DIAPH2: variants seen among roughly 807,000 people sequenced by gnomAD.
DIAPH2 encodes the protein diaphanous related formin 2.
DIAPH2 carries 35 observed loss-of-function variants against 92.7 expected under a neutral mutation model. The observed-to-expected ratio is 0.38, with a 90% CI of 0.29 to 0.50. The LOEUF (loss-of-function observed/expected upper bound fraction) is 0.50. Among genes scored for constraint, DIAPH2 ranks in the 20% least tolerant of loss-of-function variants. DIAPH2 has a pLI of 0.94. For missense variants in DIAPH2, 701 were observed against 819.5 expected, an observed-to-expected ratio of 0.86 and a Z score of 1.77; for synonymous variants, 301 against 280.4, an observed-to-expected ratio of 1.07 and a Z score of -0.73.
intron 21 of DIAPH2, among the ~76,000 whole-genome samples, chrX:97,137,503 AT>A (rs2067181544): frequency 9.2e-6 from 1 of 108,755 alleles, no homozygotes; most frequent in Admixed American, 1.0e-4. Flanking sequence ...CTATGTTGAA[AT>A]GTTTACAGTG....
At chrX:97,093,592 T>C (rs1332693827) in intron 19 of DIAPH2, among the ~76,000 whole-genome samples, 1 of 112,344 alleles carries the variant, frequency 8.9e-6, no homozygotes, top group Non-Finnish European at 1.9e-5. Flanking sequence ...TTTTTATGTT[T>C]AATATGGTTT....
chrX:97,510,475 A>T (rs1290765865), intron 26 of DIAPH2, among the ~76,000 whole-genome samples: 1 of 110,228 alleles, frequency 9.1e-6, no homozygotes, highest in East Asian at 2.9e-4. Flanking sequence ...TTCACTCTGA[A>T]GGTGGTTTCT....
chrX:97,425,499 G>A (rs910680601), intron 25 of DIAPH2, among the ~76,000 whole-genome samples: 2 of 111,346 alleles, frequency 1.8e-5, no homozygotes, highest in Admixed American at 9.6e-5. Flanking sequence ...TCATGGTAGG[G>A]TGCAGTGGCT....
intron 4 of DIAPH2, among the ~76,000 whole-genome samples, chrX:96,863,533 G>A (rs1424479338): frequency 9.1e-6 from 1 of 110,038 alleles, no homozygotes; most frequent in East Asian, 2.9e-4. Flanking sequence ...TCTTACTTAG[G>A]TATAATTATC....
At chrX:96,893,070 T>G (rs902054472) in intron 5 of DIAPH2, among the ~76,000 whole-genome samples, 9 of 112,113 alleles carry the variant, frequency 8.0e-5, no homozygotes, top group African/African-American at 2.9e-4. Flanking sequence ...TCGAGTTATA[T>G]GAACTAATTT....
chrX:97,333,717 A>G (rs1311765694), intron 23 of DIAPH2, among the ~76,000 whole-genome samples: 1 of 110,364 alleles, frequency 9.1e-6, no homozygotes, highest in Non-Finnish European at 1.9e-5. Context: ...GGCATGCACC[A>G]CCATGCCTGA....
chrX:97,436,075 G>GA (rs1439115943), intron 26 of DIAPH2, among the ~76,000 whole-genome samples: 3 of 111,347 alleles, frequency 2.7e-5, no homozygotes, highest in African/African-American at 9.8e-5. Flanking sequence ...AAAGTGCTGG[G>GA]ATTACAGGCG....
intron 5 of DIAPH2, among the ~76,000 whole-genome samples, chrX:96,896,370 A>G (rs192089476): frequency 8.9e-6 from 1 of 112,056 alleles, no homozygotes; most frequent in African/African-American, 3.2e-5. Context: ...TGTTGATAAT[A>G]TAGTTTAATG....
At chrX:96,928,156 T>C (rs1466901492) in intron 9 of DIAPH2, among the ~76,000 whole-genome samples, 1 of 111,064 alleles carries the variant, frequency 9.0e-6, no homozygotes, top group East Asian at 2.8e-4. Flanking sequence ...CTCCTTGCTG[T>C]GTGGCCTTAT....
intron 26 of DIAPH2, among the ~76,000 whole-genome samples, chrX:97,592,121 G>A (rs1457809809): frequency 3.6e-5 from 4 of 112,067 alleles, no homozygotes; most frequent in Non-Finnish European, 7.5e-5. Context: ...AGTAAGTATT[G>A]CATATTTTCT....
At chrX:96,780,720 G>T (rs1428249472) in intron 4 of DIAPH2, among the ~76,000 whole-genome samples, 3 of 110,343 alleles carry the variant, frequency 2.7e-5, no homozygotes, top group Admixed American at 9.7e-5. Context: ...CTGACCTCGT[G>T]ATCCGCCCGC....
intron 26 of DIAPH2, among the ~76,000 whole-genome samples, chrX:97,438,653 A>G (rs2070220342): frequency 9.1e-6 from 1 of 110,488 alleles, no homozygotes; most frequent in Non-Finnish European, 1.9e-5. Context: ...CTGGGATTAC[A>G]GGCATAAGCC....
At chrX:96,712,706 G>A (rs766187883) in intron 1 of DIAPH2, among the ~76,000 whole-genome samples, 1 of 111,188 alleles carries the variant, frequency 9.0e-6, no homozygotes, top group South Asian at 3.8e-4. Flanking sequence ...AACCTTCTTT[G>A]ATCTTTTTTA....
chrX:97,275,743 C>T (rs2068443906), intron 23 of DIAPH2, among the ~76,000 whole-genome samples: 1 of 109,196 alleles, frequency 9.2e-6, no homozygotes, highest in South Asian at 4.0e-4. Context: ...AGACGCTCCT[C>T]ACTTCCTAGA....
intron 22 of DIAPH2, among the ~76,000 whole-genome samples, chrX:97,231,573 A>C (rs1461066562): frequency 2.7e-5 from 3 of 111,718 alleles, no homozygotes; most frequent in Non-Finnish European, 5.6e-5. Flanking sequence ...TAAATAACTG[A>C]AAAACAATTT....
At chrX:96,966,152 T>G (rs2065892721) in intron 17 of DIAPH2, among the ~76,000 whole-genome samples, 1 of 111,722 alleles carries the variant, frequency 9.0e-6, no homozygotes, top group Non-Finnish European at 1.9e-5. Flanking sequence ...TTTGTTGTTC[T>G]TTGTAAATTG....
intron 23 of DIAPH2, among the ~76,000 whole-genome samples, chrX:97,345,110 T>C (rs1019955435): frequency 1.8e-5 from 2 of 111,876 alleles, no homozygotes; most frequent in African/African-American, 6.5e-5. Flanking sequence ...CCAATATATA[T>C]ATGATGACAG....
chrX:96,777,512 T>TG (rs1015884221), intron 4 of DIAPH2, among the ~76,000 whole-genome samples: 3 of 110,832 alleles, frequency 2.7e-5, no homozygotes, highest in Admixed American at 9.6e-5. Context: ...TATTTTGGGA[T>TG]GGGGGGGTTC....
intron 22 of DIAPH2, among the ~76,000 whole-genome samples, chrX:97,174,404 A>G (rs1346074068): frequency 9.0e-6 from 1 of 111,601 alleles, no homozygotes; most frequent in Non-Finnish European, 1.9e-5. Context: ...GGGTTTCAGG[A>G]TTACATTCTC....
Sources: gnomAD v4.1 joint callset for allele counts (sites outside exome capture counted in the v4.1 genomes callset) on GRCh38, gnomAD v4.1.1 for gene constraint, MANE v1.5 for transcripts, NCBI Gene and HGNC (gene_info 2026-07-23, HGNC 2026-07-21) for gene names.